ADARB2: variants seen among roughly 807,000 people sequenced by gnomAD.
ADARB2 encodes the protein adenosine deaminase RNA specific B2 (inactive).
In ADARB2, 25 loss-of-function variants were observed where a neutral mutation model predicts 62.2. That is an observed-to-expected ratio of 0.40 (90% CI 0.29 to 0.56). ADARB2 has a LOEUF of 0.56. Ranked by LOEUF, ADARB2 falls within the 20% of genes least tolerant of loss-of-function variation. The pLI is 0.43. For synonymous variants in ADARB2, 572 were observed against 500.8 expected (o/e 1.14, Z -1.90); for missense variants, 1,071 against 1,077.4 (o/e 0.99, Z 0.08).
intron 1 of ADARB2, among the ~76,000 whole-genome samples, chr10:1,521,548 A>G (rs369995660): frequency 1.9e-4 from 29 of 152,228 alleles, no homozygotes; most frequent in African/African-American, 7.0e-4. Context: ...CCTCTCCGGC[A>G]TTAACAGCAA....
chr10:1,643,036 A>C (rs11250695), intron 1 of ADARB2, among the ~76,000 whole-genome samples: 75,302 of 152,088 alleles, frequency 0.5, 20,815 homozygotes, highest in East Asian at 0.69. Flanking sequence ...AGGTAATGCA[A>C]CTAATAAACA....
At chr10:1,355,287 C>A (rs942162833) in intron 3 of ADARB2, among the ~76,000 whole-genome samples, 12 of 152,186 alleles carry the variant, frequency 7.9e-5, no homozygotes, top group Non-Finnish European at 1.5e-4. Context: ...AGCCTAAAGC[C>A]CTTGGGGGCT....
At chr10:1,606,913 G>T (rs1457792794) in intron 1 of ADARB2, among the ~76,000 whole-genome samples, 2 of 152,152 alleles carry the variant, frequency 1.3e-5, no homozygotes, top group East Asian at 3.9e-4. Context: ...TACTGATTTT[G>T]TCCATCCATG....
At chr10:1,659,364 G>A (rs774643699) in intron 1 of ADARB2, among the ~76,000 whole-genome samples, 1 of 152,136 alleles carries the variant, frequency 6.6e-6, no homozygotes, top group Admixed American at 6.5e-5. Context: ...CTATGAGCTG[G>A]GGGAAGGCCG....
intron 1 of ADARB2, among the ~76,000 whole-genome samples, chr10:1,551,189 A>T (rs1832616405): frequency 6.6e-6 from 1 of 152,152 alleles, no homozygotes; most frequent in Admixed American, 6.5e-5. Context: ...CAGAGAGAAG[A>T]CGCCATCTGC....
chr10:1,230,562 A>G (rs1019776947), intron 6 of ADARB2, among the ~76,000 whole-genome samples: 7 of 152,164 alleles, frequency 4.6e-5, no homozygotes, highest in African/African-American at 1.4e-4. Context: ...AAGGAGCTTA[A>G]AGCATCTCTC....
chr10:1,600,735 G>T (rs897718258), intron 1 of ADARB2, among the ~76,000 whole-genome samples: 2 of 148,328 alleles, frequency 1.3e-5, no homozygotes, highest in African/African-American at 2.5e-5. Context: ...TAGCTGCTCC[G>T]ACTAGAAGGA....
chr10:1,213,284 GATACAGAGAGACAGAGGGAGAGAC>G (rs1000150023), intron 7 of ADARB2, among the ~76,000 whole-genome samples: 2 of 152,128 alleles, frequency 1.3e-5, no homozygotes, highest in Admixed American at 1.3e-4. Flanking sequence ...CAGGGAGAGA[GATACAGAGAGACAGAGGGAGAGAC>G]ATAGAGACAG....
intron 1 of ADARB2, among the ~76,000 whole-genome samples, chr10:1,412,569 A>G (rs139978922): frequency 1.3e-3 from 191 of 152,330 alleles, no homozygotes; most frequent in Non-Finnish European, 2.4e-3. Context: ...GCCAACGCAT[A>G]AAGCACAAAA....
At position 1,183,344 on chromosome 10, in the gene ADARB2, C is replaced by T. The variant is rs1398181270; in HGVS notation, c.2069G>A (p.Gly690Glu). ...CTCACAGTACATGGAGGGCGTGTCT[C>T]CAGGGCTGGGTGTCCGTGTGCTCAG... is the stretch of plus-strand genomic sequence containing the variant. ...GRLSTRTPSP[G>E]DTPSMYCEAK... The change falls in exon 10 of 10, where the codon GGA (glycine) becomes GAA (glutamate). Residue 690 changes from glycine to glutamate, a missense_variant. Gly to Glu is a moderately conservative substitution (Grantham distance 98). Transcript: ENST00000381312. 1.2e-6 allele frequency: 2 copies of T among 1,613,994 alleles called. No homozygotes were observed. Among genetic ancestry groups the T allele is most frequent in the South Asian group, 2.2e-5 (2 of 91,078 alleles).
chr10:1,190,511 G>T (rs577614517), intron 8 of ADARB2, among the ~76,000 whole-genome samples: 1 of 152,330 alleles, frequency 6.6e-6, no homozygotes, highest in South Asian at 2.1e-4. Context: ...ACATGTGTTG[G>T]CTTAAAAGAG....
At chr10:1,429,215 T>C (rs1186690156) in intron 1 of ADARB2, among the ~76,000 whole-genome samples, 2 of 152,222 alleles carry the variant, frequency 1.3e-5, no homozygotes, top group Admixed American at 1.3e-4. Context: ...AAAAGTCTAA[T>C]TAAAAATTGT....
At position 1,414,244 on chromosome 10, in the gene ADARB2, C is replaced by T. The variant is rs116882960; in HGVS notation, c.101-35084G>A. ...CAGATTATTGGGAAAAGCTGAGTGT[C>T]GGGAGAAGCTGAGGCAGTGCTTGCA... is the stretch of plus-strand genomic sequence containing the variant. On this transcript the variant is annotated intron_variant, in intron 1 of 9. Transcript: ENST00000381312. Among the ~76,000 whole-genome samples, 114 of 152,248 alleles carry T rather than the reference C, an allele frequency of 7.5e-4. 3 individuals carry two copies. In the East Asian group the frequency reaches 0.018, roughly 23 times the overall value.
intron 4 of ADARB2, among the ~76,000 whole-genome samples, chr10:1,258,123 T>TC (rs1347132751): frequency 6.6e-6 from 1 of 152,166 alleles, no homozygotes; most frequent in African/African-American, 2.4e-5. Context: ...TCTCTCTTTT[T>TC]CTCTTTCTCT....
intron 1 of ADARB2, among the ~76,000 whole-genome samples, chr10:1,486,208 G>T (rs985329990): frequency 7.1e-6 from 1 of 140,374 alleles, no homozygotes; most frequent in Non-Finnish European, 1.5e-5. Flanking sequence ...GTGTGTGGAC[G>T]CCTGTGTGTG....
rs115147048 is a variant in ADARB2, at chr10:1,572,321, G to C, written c.100+164730C>G. ...TGAGCTTGCAGGTGCGTGTGCAGGT[G>C]AGTGGGCACCTGTTTATCTCAGGTC... On this transcript the variant is annotated intron_variant, in intron 1 of 9. Coordinates refer to ENST00000381312, the MANE Select transcript of ADARB2 (RefSeq NM_018702.4). 8.6e-3 allele frequency among the ~76,000 whole-genome samples: 1,313 copies of C among 152,302 alleles called. 20 individuals are homozygous for C. Among genetic ancestry groups the C allele is most frequent in the African/African-American group, 0.03 (1,229 of 41,554 alleles).
intron 1 of ADARB2, among the ~76,000 whole-genome samples, chr10:1,608,147 T>A (rs1166367060): frequency 6.6e-6 from 1 of 152,248 alleles, no homozygotes; most frequent in Non-Finnish European, 1.5e-5. Context: ...GGAAAGTGAT[T>A]TGACATAGTA....
chr10:1,731,327 G>A (rs1336315748), intron 1 of ADARB2, among the ~76,000 whole-genome samples: 2 of 152,138 alleles, frequency 1.3e-5, no homozygotes, highest in Non-Finnish European at 2.9e-5. Context: ...TCAAATAAAC[G>A]AGTAAATAAA....
At chr10:1,653,001 C>G (rs374425507) in intron 1 of ADARB2, among the ~76,000 whole-genome samples, 1 of 152,188 alleles carries the variant, frequency 6.6e-6, no homozygotes, top group Non-Finnish European at 1.5e-5. Flanking sequence ...AGGCCTCCTC[C>G]CCCCTGGGAT....
Sources: gnomAD v4.1 joint callset for allele counts (sites outside exome capture counted in the v4.1 genomes callset) on GRCh38, gnomAD v4.1.1 for gene constraint, MANE v1.5 for transcripts, NCBI Gene and HGNC (gene_info 2026-07-23, HGNC 2026-07-21) for gene names.